The following SETD5 variants were observed in gnomAD, a reference collection of about 807,000 sequenced individuals.
The protein encoded by SETD5 is histone-lysine N-methyltransferase SETD5.
Under a neutral mutation model 153.3 loss-of-function variants are expected in SETD5, and 44 were observed. That is an observed-to-expected ratio of 0.29 (90% CI 0.23 to 0.37). The LOEUF is 0.37. Ranked by LOEUF, SETD5 falls within the 10% of genes least tolerant of loss-of-function variation. SETD5 has a pLI of 1.00. For missense variants in SETD5, 1,544 were observed against 1,768.0 expected (o/e 0.87, Z 2.27); for synonymous variants, 716 against 645.2 (o/e 1.11, Z -1.66).
At chr3:9,428,187 C>T (rs1467691563) in intron 2 of SETD5, among the ~76,000 whole-genome samples, 1 of 152,076 alleles carries the variant, frequency 6.6e-6, no homozygotes, top group East Asian at 1.9e-4. Context: ...TATCTAGCAG[C>T]GTATTATTAC....
intron 1 of SETD5, among the ~76,000 whole-genome samples, chr3:9,415,400 A>T (rs2037258940): frequency 6.6e-6 from 1 of 152,164 alleles, no homozygotes; most frequent in Non-Finnish European, 1.5e-5. Flanking sequence ...GGAACTGTTG[A>T]AGGTCCTGGA....
rs201718034 is a variant in SETD5, at chr3:9,473,223, T to C, written c.3196-13T>C. On this transcript the variant is annotated splice_polypyrimidine_tract_variant and intron_variant, in intron 19 of 22. Coordinates refer to ENST00000402198, the MANE Select transcript of SETD5 (RefSeq NM_001080517.3). ...GAGTACCGTTTTTTGTTTGTTTGTT[T>C]TTTCCTTTCTAGGTATCCCTGCTGG... 2.8e-4 allele frequency: 450 copies of C among 1,606,444 alleles called. No homozygotes were observed. The Middle Eastern group carries it at 4.1e-3, about 15-fold the overall frequency.
intron 11 of SETD5, among the ~76,000 whole-genome samples, chr3:9,444,720 G>A (rs972499665): frequency 4.0e-5 from 6 of 151,740 alleles, no homozygotes; most frequent in Non-Finnish European, 5.9e-5. Context: ...GCAAAACCCC[G>A]TCTCTGCCGA....
At chr3:9,458,419 C>A (rs898075247) in intron 17 of SETD5, among the ~76,000 whole-genome samples, 1 of 152,030 alleles carries the variant, frequency 6.6e-6, no homozygotes, top group Non-Finnish European at 1.5e-5. Context: ...GAATTTGAGA[C>A]CAGCCTGGGC....
At position 9,477,939 on chromosome 3, in the gene SETD5, A is replaced by G. The variant is rs2045942902; in HGVS notation, c.*1848A>G. 7.5e-6 allele frequency: 1 copy of G among 133,826 alleles called. No homozygotes were observed. The highest frequency in any genetic ancestry group is 8.1e-5 in the Admixed American group (1 of 12,330). 8.3% of individuals were successfully genotyped at this position (133,826 alleles called of 1,614,324 possible). A position where few individuals can be genotyped will look rare whatever the true frequency, so the allele number is the denominator to read the frequency against. ...GGCCCTCACCCTGCCTGGCACGTGC[A>G]GAGACCCCAGCCACTCTGTGTGGGC... On this transcript the variant is annotated 3_prime_UTR_variant, in exon 23 of 23. Transcript: ENST00000402198.
At chr3:9,471,509 C>A (rs2045299462) in intron 19 of SETD5, among the ~76,000 whole-genome samples, 1 of 152,150 alleles carries the variant, frequency 6.6e-6, no homozygotes. Context: ...AGGTGGCACT[C>A]CATTGGCCAG....
In SETD5 at chr3:9,409,941, A is replaced by G. The variant is rs566300839; in HGVS notation, c.-177+11964A>G. ...CACTACAGTTTTAGTGTGACAGAACAATATGATTACTGGAAAGTGGCTTTT... is the reference window on the plus strand; with the variant it reads ...CACTACAGTTTTAGTGTGACAGAACGATATGATTACTGGAAAGTGGCTTTT... On this transcript the variant is annotated intron_variant, in intron 1 of 22. Transcript: ENST00000402198. Among the ~76,000 whole-genome samples the G allele has an allele frequency of 3.3e-5, 5 of 152,320 alleles. 1 individual carries two copies. In the South Asian group the frequency reaches 1.0e-3, roughly 32 times the overall value.
chr3:9,470,842 C>G lies in SETD5; in HGVS notation c.3108C>G (p.Asp1036Glu), dbSNP rs764122703. 6.2e-7 allele frequency: 1 copy of G among 1,612,460 alleles called. No homozygotes were observed. Among genetic ancestry groups the G allele is most frequent in the South Asian group, 1.1e-5 (1 of 90,748 alleles). ...SSRYEHGLMKDLSRGSLSPGG... is the reference protein window; with the variant it reads ...SSRYEHGLMKELSRGSLSPGG... Reference sequence around the variant, plus strand: ...GATATGAACATGGCTTAATGAAAGACCTCTCTCGTGGATCCTTGTCACCTG... The same window carrying G: ...GATATGAACATGGCTTAATGAAAGAGCTCTCTCGTGGATCCTTGTCACCTG... The change falls in exon 19 of 23, where the codon GAC becomes GAG. Residue 1036 changes from aspartate to glutamate, a missense_variant. Around this residue, in one of 9 missense-constraint regions of SETD5, gnomAD observed 782 missense variants for 787.2 expected, o/e 0.99. Coordinates refer to ENST00000402198, the MANE Select transcript of SETD5 (RefSeq NM_001080517.3).
intron 18 of SETD5, among the ~76,000 whole-genome samples, chr3:9,466,984 G>A (rs773285748): frequency 1.3e-5 from 2 of 151,966 alleles, no homozygotes; most frequent in Non-Finnish European, 2.9e-5. Flanking sequence ...AGCCATTATT[G>A]TGCCACTACA....
rs1413868113 is a variant in SETD5, at chr3:9,425,324, A to G, written c.-117+798A>G. On this transcript the variant is annotated intron_variant, in intron 2 of 22. Coordinates refer to ENST00000402198, the MANE Select transcript of SETD5 (RefSeq NM_001080517.3). ...GGTGATCCGCCCACCTCAGCCTCCC[A>G]AAGTGTTGGAATTACAAGCGTGAGC... is the stretch of plus-strand genomic sequence containing the variant. 3.9e-5 allele frequency among the ~76,000 whole-genome samples: 6 copies of G among 152,016 alleles called. No individual in the cohort carries two copies. In the South Asian group the frequency reaches 1.2e-3, roughly 31 times the overall value.
Position 9,448,406 on chromosome 3 carries a change from T to C in SETD5, c.2122T>C (p.Leu708=). 2 of 1,613,942 alleles carry C rather than the reference T, an allele frequency of 1.2e-6. No individual in the cohort carries two copies. Among genetic ancestry groups the C allele is most frequent in the African/African-American group, 1.3e-5 (1 of 75,044 alleles). ...ACCTTAGTATCTAGTTACAGAATGG[T>C]TGAATGACAAAGCAGAGAAGCAAGA... ...KTKKYLVTEW[L]NDKAEKQECP... Residue 708 remains leucine, a synonymous_variant, in exon 16 of 23, where the codon TTG becomes CTG. Transcript: ENST00000402198.
chr3:9,452,868 T>A (rs1366389416), intron 16 of SETD5, among the ~76,000 whole-genome samples: 9 of 152,056 alleles, frequency 5.9e-5, no homozygotes, highest in African/African-American at 2.2e-4. Context: ...TTTATCAAAA[T>A]TCGATCTGTC....
At chr3:9,448,692 T>A (rs2042287609) in intron 16 of SETD5, 62 bp downstream of exon 16, 1 of 1,397,392 alleles carries the variant, frequency 7.2e-7, no homozygotes, top group African/African-American at 1.5e-5. Flanking sequence ...TTTTTAAGCC[T>A]AAGATTCCTA....
intron 19 of SETD5, among the ~76,000 whole-genome samples, 154 bp downstream of exon 19, chr3:9,471,083 A>C (rs2045250259): frequency 2.0e-5 from 3 of 152,230 alleles, no homozygotes; most frequent in Admixed American, 2.0e-4. Flanking sequence ...CTGTTTTAGT[A>C]CAACTTGGTG....
At chr3:9,474,985 C>T in intron 21 of SETD5, 83 bp from the exon 22 acceptor site, 7 of 1,262,968 alleles carry the variant, frequency 5.5e-6, no homozygotes, top group Non-Finnish European at 7.8e-6. Context: ...GGTGATGGCA[C>T]TGGTGATTTA....
intron 1 of SETD5, among the ~76,000 whole-genome samples, chr3:9,399,173 A>C (rs1421218956): frequency 2.6e-5 from 4 of 152,144 alleles, no homozygotes; most frequent in Non-Finnish European, 4.4e-5. Flanking sequence ...TCATATTTAC[A>C]TTTCTTTGTT....
At chr3:9,410,026 T>C (rs1217485038) in intron 1 of SETD5, among the ~76,000 whole-genome samples, 1 of 152,214 alleles carries the variant, frequency 6.6e-6, no homozygotes, top group Non-Finnish European at 1.5e-5. Context: ...ATAGAGATAG[T>C]CATGCCTCAC....
At chr3:9,418,893 C>G (rs1321799297) in intron 1 of SETD5, among the ~76,000 whole-genome samples, 4 of 152,064 alleles carry the variant, frequency 2.6e-5, no homozygotes, top group Non-Finnish European at 5.9e-5. Flanking sequence ...GTGGTGTAAT[C>G]TTGGCTCACT....
intron 13 of SETD5, among the ~76,000 whole-genome samples, chr3:9,445,988 T>TTTTTTTTTTTTTTTTA (rs1260243657): frequency 6.9e-6 from 1 of 145,618 alleles, no homozygotes; most frequent in African/African-American, 2.6e-5. Context: ...TTTTTTTTTT[T>TTTTTTTTTTTTTTTTA]ACTAACAATC....
Sources: gnomAD v4.1 joint callset for allele counts (sites outside exome capture counted in the v4.1 genomes callset) on GRCh38, gnomAD v4.1.1 for gene constraint, gnomAD v4.1.1 regional missense constraint, MANE v1.5 for transcripts, NCBI Gene and HGNC (gene_info 2026-07-23, HGNC 2026-07-21) for gene names.